The following ANKS6 variants were observed in gnomAD, a reference collection of about 807,000 sequenced individuals.
ANKS6 encodes ankyrin repeat and SAM domain-containing protein 6.
In ANKS6, 47 loss-of-function variants were observed where a neutral mutation model predicts 77.9. The observed-to-expected ratio is 0.60, with a 90% CI of 0.48 to 0.77. The LOEUF (loss-of-function observed/expected upper bound fraction) is 0.77, where lower values mean the gene tolerates loss of function less well. Among genes scored for constraint, ANKS6 ranks in the 30% least tolerant of loss-of-function variants. The pLI, the probability that ANKS6 is intolerant of heterozygous loss-of-function variation, is 0.00. For synonymous variants in ANKS6, 488 were observed against 501.7 expected (o/e 0.97, Z 0.37); for missense variants, 1,150 against 1,159.1 (o/e 0.99, Z 0.11).
intron 11 of ANKS6, among the ~76,000 whole-genome samples, chr9:98,760,850 C>A (rs959807958): frequency 9.9e-5 from 15 of 152,122 alleles, no homozygotes; most frequent in African/African-American, 3.6e-4. Flanking sequence ...TTTTTTAAAA[C>A]TAATGTAAAG....
chr9:98,775,153 G>A lies in ANKS6; in HGVS notation c.1618-1073C>T, dbSNP rs79514609. Among the ~76,000 whole-genome samples, 799 of 152,318 alleles carry A rather than the reference G, an allele frequency of 5.2e-3. 6 individuals are homozygous for A. Among genetic ancestry groups the A allele is most frequent in the South Asian group, 0.024 (116 of 4,822 alleles). On this transcript the variant is annotated intron_variant, in intron 8 of 14. Transcript: ENST00000353234. Reference sequence around the variant, plus strand: ...CGGGGTTGAGTTGGAAACTCACAGCGACAAATCCACCACCACAAAAGGGTA... The same window carrying A: ...CGGGGTTGAGTTGGAAACTCACAGCAACAAATCCACCACCACAAAAGGGTA...
rs772626671 is a variant in ANKS6, at chr9:98,780,388, T to C, written c.1220-51A>G. ...ACCTGCAAATATGTCTGTTGGGCCA[T>C]AAGGAGAAGACTCAAGATGACCCCT... is the stretch of plus-strand genomic sequence containing the variant. On this transcript the variant is annotated intron_variant, in intron 5 of 14. Coordinates refer to ENST00000353234, the MANE Select transcript of ANKS6 (RefSeq NM_173551.5). 3.3e-6 allele frequency: 5 copies of C among 1,523,554 alleles called. No individual in the cohort carries two copies. In the East Asian group the frequency reaches 9.7e-5, roughly 30 times the overall value. 94.4% of individuals were successfully genotyped at this position (1,523,554 alleles called of 1,614,324 possible).
chr9:98,774,048 CGGGAGTCT>C lies in ANKS6; in HGVS notation c.1642_1649del (p.Arg548GlufsTer2). On this transcript the variant is annotated frameshift_variant, in exon 9 of 15. Coordinates refer to ENST00000353234, the MANE Select transcript of ANKS6 (RefSeq NM_173551.5). LOFTEE classifies it high-confidence loss of function. ...GGATGACTGCTTTCAGCTTGTCACTCGGGAGTCTGGTGAGGGGAGCTCCGTTTCGAAGC... is the reference window on the plus strand; with the variant it reads ...GGATGACTGCTTTCAGCTTGTCACTCGGTGAGGGGAGCTCCGTTTCGAAGC... 6.5e-7 allele frequency: 1 copy of C among 1,546,852 alleles called. No individual in the cohort carries two copies.
intron 12 of ANKS6, among the ~76,000 whole-genome samples, chr9:98,755,741 T>C (rs370257925): frequency 2.6e-5 from 4 of 152,220 alleles, no homozygotes; most frequent in African/African-American, 9.6e-5. Flanking sequence ...CGAAGGGGCA[T>C]GGCCAATCAC....
chr9:98,782,508 C>T lies in ANKS6; in HGVS notation c.1178G>A (p.Gly393Glu). 6.2e-7 allele frequency: 1 copy of T among 1,614,192 alleles called. No homozygotes were observed. The highest frequency in any genetic ancestry group is 8.5e-7 in the Non-Finnish European group (1 of 1,180,024). The change falls in exon 5 of 15, where the codon GGA becomes GAA. Residue 393 changes from glycine (G) to glutamate (E), a missense_variant. Coordinates refer to ENST00000353234, the MANE Select transcript of ANKS6 (RefSeq NM_173551.5). ...CATCACCAGGTCAAAGGCCGTGTAT[C>T]CATTTTTTGCACGAAGAGTGACATC... ...GADVTLRAKN[G>E]YTAFDLVMLL...
At chr9:98,755,738 G>C (rs1169193314) in intron 12 of ANKS6, among the ~76,000 whole-genome samples, 1 of 152,208 alleles carries the variant, frequency 6.6e-6, no homozygotes, top group Non-Finnish European at 1.5e-5. Context: ...GACCGAAGGG[G>C]CATGGCCAAT....
intron 9 of ANKS6, among the ~76,000 whole-genome samples, chr9:98,773,346 A>G (rs1833741537): frequency 6.6e-6 from 1 of 152,212 alleles, no homozygotes; most frequent in African/African-American, 2.4e-5. Flanking sequence ...TACCATCTAG[A>G]TACAGGTTAC....
intron 14 of ANKS6, among the ~76,000 whole-genome samples, chr9:98,743,122 T>C (rs1411477852): frequency 6.6e-6 from 1 of 152,196 alleles, no homozygotes; most frequent in Non-Finnish European, 1.5e-5. Context: ...GTCCTCTCAC[T>C]GGCCCTGCCT....
Position 98,796,513 on chromosome 9 carries a change from G to T in ANKS6, c.-22C>A. The T allele has an allele frequency of 1.0e-6, 1 of 983,878 alleles. No individual in the cohort carries two copies. The highest frequency in any genetic ancestry group is 1.2e-6 in the Non-Finnish European group (1 of 829,552). The allele number at this position is 983,878 out of a possible 1,614,324, so 60.9% of individuals were successfully genotyped here. On this transcript the variant is annotated 5_prime_UTR_variant, in exon 1 of 15. Coordinates refer to ENST00000353234, the MANE Select transcript of ANKS6 (RefSeq NM_173551.5). ...CCATCGCCGCCGCCACGCGCGGCCCGCTCCCGTCCGCCCCGCCGGCCGCGT... is the reference window on the plus strand; with the variant it reads ...CCATCGCCGCCGCCACGCGCGGCCCTCTCCCGTCCGCCCCGCCGGCCGCGT...
At chr9:98,768,367 A>T (rs565798622) in intron 10 of ANKS6, 117 bp from the exon 11 acceptor site, 2 of 1,280,114 alleles carry the variant, frequency 1.6e-6, no homozygotes, top group Admixed American at 3.9e-5. Flanking sequence ...TCCCTTCCCC[A>T]TGTGGCTCCA....
chr9:98,772,527 G>T (rs1833698056), intron 9 of ANKS6, among the ~76,000 whole-genome samples: 1 of 152,174 alleles, frequency 6.6e-6, no homozygotes, highest in Admixed American at 6.5e-5. Flanking sequence ...CAAAACGAAG[G>T]TCCTCTTGTT....
intron 6 of ANKS6, 30 bp from the exon 7 acceptor site, chr9:98,778,454 G>A: frequency 6.2e-7 from 1 of 1,607,876 alleles, no homozygotes; most frequent in Non-Finnish European, 8.5e-7. Flanking sequence ...CAGAAGTCAT[G>A]CTCCAGGAAG....
At chr9:98,790,635 C>A (rs775837630) in intron 1 of ANKS6, 29 bp from the exon 2 acceptor site, 60 of 1,584,342 alleles carry the variant, frequency 3.8e-5, no homozygotes, top group Admixed American at 1.2e-4. Flanking sequence ...ATTAGTGACA[C>A]TGAACACACA....
At chr9:98,786,127 C>A (rs1231783150) in intron 2 of ANKS6, among the ~76,000 whole-genome samples, 2 of 151,800 alleles carry the variant, frequency 1.3e-5, no homozygotes, top group African/African-American at 4.8e-5. Flanking sequence ...GACAGGCACA[C>A]GCCACTACAC....
At position 98,778,242 on chromosome 9, in the gene ANKS6, A is replaced by G. The variant is rs760533742; in HGVS notation, c.1551T>C (p.Pro517=). ...TSRSALPDAA[P]VTKDNGPGST... ...TTTTCTCACCATTGTCTTTGGTCAC[A>G]GGGGCCGCATCAGGGAGTGCAGAGC... is the stretch of plus-strand genomic sequence containing the variant. The change falls in exon 7 of 15, where the codon CCT becomes CCC. Residue 517 remains proline (P), a synonymous_variant. Transcript: ENST00000353234. 4 of 1,614,184 alleles carry G rather than the reference A, an allele frequency of 2.5e-6. No individual in the cohort carries two copies. The highest frequency in any genetic ancestry group is 1.3e-5 in the African/African-American group (1 of 75,050).
At position 98,732,360 on chromosome 9, in the gene ANKS6, G is replaced by T; in HGVS notation, c.*4159C>A. 5 of 971,302 alleles carry T rather than the reference G, an allele frequency of 5.1e-6. No individual in the cohort carries two copies. The highest frequency in any genetic ancestry group is 7.5e-6 in the Non-Finnish European group (5 of 663,814). 60.2% of individuals were successfully genotyped at this position (971,302 alleles called of 1,614,324 possible). Reference sequence around the variant, plus strand: ...CCCGCTGGATCAGCTTCTACGACTTGGTCAAACTATCTTTCTTTCTGTCTG... The same window carrying T: ...CCCGCTGGATCAGCTTCTACGACTTTGTCAAACTATCTTTCTTTCTGTCTG... On this transcript the variant is annotated 3_prime_UTR_variant, in exon 15 of 15. Transcript: ENST00000353234.
At chr9:98,780,074 AC>A in intron 6 of ANKS6, 114 bp downstream of exon 6, 2 of 1,413,634 alleles carry the variant, frequency 1.4e-6, no homozygotes, top group Non-Finnish European at 1.9e-6. Context: ...CTCACCTGCC[AC>A]CCCTGCAGGG....
intron 12 of ANKS6, among the ~76,000 whole-genome samples, chr9:98,753,360 G>C (rs1227219184): frequency 6.6e-6 from 1 of 152,166 alleles, no homozygotes; most frequent in Non-Finnish European, 1.5e-5. Flanking sequence ...GGCTGAATCA[G>C]ATAATGGTTT....
At position 98,791,533 on chromosome 9, in the gene ANKS6, TTC is replaced by T. The variant is rs773353891; in HGVS notation, c.360-929_360-928del. On this transcript the variant is annotated intron_variant, in intron 1 of 14. Coordinates refer to ENST00000353234, the MANE Select transcript of ANKS6 (RefSeq NM_173551.5). This position sits in a 1 kb window ranked among gnomAD's most constrained non-coding sequence, Gnocchi z 4.3. ...CTTTTAACACCAGAGGGCAGAAAAG[TTC>T]TGTTTTGTGGTGTCTCTGGTGGGCT... is the stretch of plus-strand genomic sequence containing the variant. Among the ~76,000 whole-genome samples the T allele has an allele frequency of 2.2e-4, 34 of 152,090 alleles. No individual in the cohort carries two copies. The highest frequency in any genetic ancestry group is 4.6e-4 in the Non-Finnish European group (31 of 68,022).
Sources: allele counts gnomAD v4.1 joint callset (sites outside exome capture counted in the v4.1 genomes callset), GRCh38; gene constraint gnomAD v4.1.1; non-coding constraint Gnocchi (gnomAD v3.1); transcripts MANE v1.5; gene names NCBI Gene and HGNC (gene_info 2026-07-23, HGNC 2026-07-21).